The following BUD13 variants were observed in gnomAD, a reference collection of about 807,000 sequenced individuals.
BUD13 encodes the protein BUD13 homolog.
BUD13 carries 47 observed loss-of-function variants against 62.5 expected under a neutral mutation model. The ratio of observed to expected loss-of-function variants is 0.75; its 90% CI spans 0.60 to 0.96. The LOEUF (loss-of-function observed/expected upper bound fraction) is 0.96, where lower values mean the gene tolerates loss of function less well. Among genes scored for constraint, BUD13 ranks in the 40% least tolerant of loss-of-function variants. The probability of loss-of-function intolerance (pLI) is 0.00; values close to 1 mark genes in which losing one functional copy is unlikely to be tolerated. For missense variants in BUD13, 821 were observed against 790.9 expected (o/e 1.04, Z -0.46); for synonymous variants, 293 against 280.1 (o/e 1.05, Z -0.46).
intron 9 of BUD13, among the ~76,000 whole-genome samples, chr11:116,749,908 G>A (rs966983022): frequency 2.6e-5 from 4 of 152,166 alleles, no homozygotes; most frequent in Non-Finnish European, 4.4e-5. Context: ...AATTGATTAG[G>A]TACACAAGGA....
chr11:116,768,526 T>G (rs1048479531), intron 2 of BUD13, among the ~76,000 whole-genome samples: 13 of 152,346 alleles, frequency 8.5e-5, no homozygotes, highest in African/African-American at 2.9e-4. Context: ...TTTTAAAAAC[T>G]TTAAACTTTT....
At chr11:116,768,846 A>T (rs1393372448) in intron 2 of BUD13, among the ~76,000 whole-genome samples, 3 of 151,562 alleles carry the variant, frequency 2.0e-5, no homozygotes, top group Non-Finnish European at 4.4e-5. Flanking sequence ...TACTAAAAAT[A>T]CAAAAAAAAA....
At chr11:116,770,405 T>C (rs1001353385) in intron 1 of BUD13, among the ~76,000 whole-genome samples, 183 bp from the exon 2 acceptor site, 1 of 152,230 alleles carries the variant, frequency 6.6e-6, no homozygotes, top group African/African-American at 2.4e-5. Flanking sequence ...TGGTCATCCT[T>C]TGGTGCTTAG....
chr11:116,764,387 G>A (rs983932973), intron 3 of BUD13, among the ~76,000 whole-genome samples: 5 of 152,250 alleles, frequency 3.3e-5, no homozygotes, highest in Middle Eastern at 3.4e-3. Flanking sequence ...GATGTCTGTG[G>A]GGGGCCTAAC....
intron 4 of BUD13, among the ~76,000 whole-genome samples, chr11:116,761,167 T>TC (rs1940425471): frequency 2.6e-5 from 4 of 152,048 alleles, no homozygotes; most frequent in African/African-American, 9.7e-5. Flanking sequence ...TTATTGTGCC[T>TC]CAGCCTCCCA....
chr11:116,750,094 A>G (rs931214428), intron 9 of BUD13, among the ~76,000 whole-genome samples: 6 of 152,250 alleles, frequency 3.9e-5, no homozygotes, highest in African/African-American at 1.4e-4. Context: ...TTTGGAAATC[A>G]TGTACATATA....
intron 5 of BUD13, 56 bp from the exon 6 acceptor site, chr11:116,759,235 C>G: frequency 8.2e-7 from 1 of 1,217,596 alleles, no homozygotes; most frequent in South Asian, 1.2e-5. Context: ...ACAGTAGGCT[C>G]CATGGGTACA....
At position 116,748,470 on chromosome 11, in the gene BUD13, G is replaced by A; in HGVS notation, c.*12C>T. The A allele has an allele frequency of 6.2e-7, 1 of 1,613,380 alleles. No homozygotes were observed. Among genetic ancestry groups the A allele is most frequent in the South Asian group, 1.1e-5 (1 of 91,062 alleles). On this transcript the variant is annotated 3_prime_UTR_variant, in exon 10 of 10. Transcript: ENST00000260210. Reference sequence around the variant, plus strand: ...CTACCACAGCCCAGCCACCCCCACAGCCTCAGGAAAGTTACATATCCTCAA... The same window carrying A: ...CTACCACAGCCCAGCCACCCCCACAACCTCAGGAAAGTTACATATCCTCAA...
intron 2 of BUD13, among the ~76,000 whole-genome samples, chr11:116,766,380 A>G (rs1343200686): frequency 6.6e-6 from 1 of 152,248 alleles, no homozygotes; most frequent in East Asian, 1.9e-4. Flanking sequence ...TCACAAGCTA[A>G]CAAGTGGCAG....
At chr11:116,772,702 G>C (rs915942894) in intron 1 of BUD13, 120 bp downstream of exon 1, 5 of 1,324,398 alleles carry the variant, frequency 3.8e-6, no homozygotes, top group South Asian at 3.2e-5. Context: ...AGCATGAGCA[G>C]GGGTCGGCGG....
intron 9 of BUD13, among the ~76,000 whole-genome samples, chr11:116,754,829 TAC>T (rs762438707): frequency 3.9e-5 from 6 of 152,150 alleles, no homozygotes; most frequent in Non-Finnish European, 5.9e-5. Flanking sequence ...ACCCTCTAGG[TAC>T]AAAATCTGAT....
intron 9 of BUD13, among the ~76,000 whole-genome samples, chr11:116,749,900 T>C (rs1940202984): frequency 6.6e-6 from 1 of 152,104 alleles, no homozygotes; most frequent in Non-Finnish European, 1.5e-5. Context: ...GCAGCACTAA[T>C]TGATTAGGTA....
intron 5 of BUD13, among the ~76,000 whole-genome samples, chr11:116,759,588 A>G (rs1940393974): frequency 6.6e-6 from 1 of 152,250 alleles, no homozygotes; most frequent in African/African-American, 2.4e-5. Flanking sequence ...AATTGTGGAT[A>G]TATTTCATGG....
At chr11:116,753,913 C>T (rs750370201) in intron 9 of BUD13, among the ~76,000 whole-genome samples, 1 of 152,210 alleles carries the variant, frequency 6.6e-6, no homozygotes. Flanking sequence ...AAGATCTAAA[C>T]ACCTTGACCT....
chr11:116,761,015 T>C, intron 4 of BUD13, 63 bp from the exon 5 acceptor site: 1 of 1,359,452 alleles, frequency 7.4e-7, no homozygotes, highest in Non-Finnish European at 1.0e-6. Context: ...TTACATGAAA[T>C]CTCCTATGGC....
chr11:116,757,949 G>C lies in BUD13; in HGVS notation c.1501C>G (p.Leu501Val), dbSNP rs763394636. ...TGTTGCTGTTGCCGGCTCTGGGCAA[G>C]CCTGGGCAAAAAGGAACCAAGAGTG... ...DELYAQWGKG[L>V]AQSRQQQQNV... is the part of the protein sequence containing the mutation. Residue 501 changes from leucine to valine, a missense_variant and splice_region_variant, in exon 8 of 10, where the codon CTT becomes GTT. By Grantham distance (32) the Leu-to-Val change is conservative. This residue lies in a region of BUD13 where 800 missense variants were observed against 739.2 expected (regional missense o/e 1.08). Coordinates refer to ENST00000260210, the MANE Select transcript of BUD13 (RefSeq NM_032725.4). 2.5e-6 allele frequency: 4 copies of C among 1,613,022 alleles called. No individual in the cohort carries two copies. Among genetic ancestry groups the C allele is most frequent in the Non-Finnish European group, 8.5e-7 (1 of 1,179,782 alleles).
At chr11:116,750,223 G>T (rs1231431258) in intron 9 of BUD13, among the ~76,000 whole-genome samples, 2 of 152,164 alleles carry the variant, frequency 1.3e-5, no homozygotes, top group African/African-American at 4.8e-5. Flanking sequence ...AGAGGAAGAG[G>T]AGTTTGCAAA....
In BUD13 at chr11:116,771,028, C is replaced by T. The variant is rs141001222; in HGVS notation, c.144-806G>A. On this transcript the variant is annotated intron_variant, in intron 1 of 9. Coordinates refer to ENST00000260210, the MANE Select transcript of BUD13 (RefSeq NM_032725.4). Reference sequence around the variant, plus strand: ...CAGACTGGTCTCAAACTCCTAGATGCAAGCAATCCACCCGCCTTGGCCTCC... The same window carrying T: ...CAGACTGGTCTCAAACTCCTAGATGTAAGCAATCCACCCGCCTTGGCCTCC... Among the ~76,000 whole-genome samples, 293 of 152,164 alleles carry T rather than the reference C, an allele frequency of 1.9e-3. 7 individuals are homozygous for T. Among genetic ancestry groups the T allele is most frequent in the East Asian group, 0.015 (80 of 5,166 alleles).
chr11:116,754,721 C>T (rs1940295618), intron 9 of BUD13, among the ~76,000 whole-genome samples: 1 of 152,162 alleles, frequency 6.6e-6, no homozygotes, highest in South Asian at 2.1e-4. Flanking sequence ...TATTCAACAT[C>T]TGCACTGAAG....
Sources: allele counts gnomAD v4.1 joint callset (sites outside exome capture counted in the v4.1 genomes callset), GRCh38; gene constraint gnomAD v4.1.1; regional missense constraint gnomAD v4.1.1; transcripts MANE v1.5; gene names NCBI Gene and HGNC (gene_info 2026-07-23, HGNC 2026-07-21).